The following RCAN2 variants were observed in gnomAD, a reference collection of about 807,000 sequenced individuals.
The protein encoded by RCAN2 is regulator of calcineurin 2, also known as calcipressin-2.
In RCAN2, 9 loss-of-function variants were observed where a neutral mutation model predicts 23.6. That is an observed-to-expected ratio of 0.38 (90% CI 0.23 to 0.67). The LOEUF is 0.67. RCAN2 is among the 30% of genes least tolerant of loss of function. RCAN2 has a pLI of 0.51. For synonymous variants in RCAN2, 109 were observed against 115.7 expected, an observed-to-expected ratio of 0.94 and a Z score of 0.37; for missense variants, 273 against 302.3, an observed-to-expected ratio of 0.90 and a Z score of 0.72.
chr6:46,231,990 A>G (rs1488006576), intron 4 of RCAN2, among the ~76,000 whole-genome samples: 1 of 152,254 alleles, frequency 6.6e-6, no homozygotes, highest in Non-Finnish European at 1.5e-5. Context: ...TTTAAAGTCT[A>G]GAAGTGGTGA....
intron 1 of RCAN2, among the ~76,000 whole-genome samples, chr6:46,461,390 C>T (rs181348260): frequency 4.6e-5 from 7 of 152,162 alleles, no homozygotes; most frequent in Admixed American, 4.6e-4. Flanking sequence ...TTTCCATCAC[C>T]TTATGCATGT....
chr6:46,221,920 T>C lies in RCAN2; in HGVS notation c.*1221A>G. 1 of 398,496 alleles carries C rather than the reference T, an allele frequency of 2.5e-6. No individual in the cohort carries two copies. Among genetic ancestry groups the C allele is most frequent in the Admixed American group, 4.4e-5 (1 of 22,734 alleles). The allele number at this position is 398,496 out of a possible 1,614,324, so 24.7% of individuals were successfully genotyped here. ...ATCACACGTAACAAAAACAAATAAC[T>C]TTTTTGAGCACACGGGTGTCGCGTG... is the stretch of plus-strand genomic sequence containing the variant. On this transcript the variant is annotated 3_prime_UTR_variant, in exon 5 of 5. Coordinates refer to ENST00000371374, the MANE Select transcript of RCAN2 (RefSeq NM_001251974.2).
chr6:46,455,909 C>T (rs1461726319), intron 2 of RCAN2, among the ~76,000 whole-genome samples: 1 of 149,374 alleles, frequency 6.7e-6, no homozygotes. Context: ...AAAAAAAAGG[C>T]CCTTTATCCA....
At chr6:46,463,471 G>T (rs1302308148) in intron 1 of RCAN2, among the ~76,000 whole-genome samples, 1 of 152,154 alleles carries the variant, frequency 6.6e-6, no homozygotes, top group Non-Finnish European at 1.5e-5. Flanking sequence ...AAGTTTCATT[G>T]AGCAGGTGCC....
chr6:46,273,757 G>T lies in RCAN2; in HGVS notation c.226-24861C>A, dbSNP rs150329520. Among the ~76,000 whole-genome samples the T allele has an allele frequency of 2.9e-3, 434 of 152,244 alleles. 6 individuals carry two copies. The highest frequency in any genetic ancestry group is 5.0e-4 in the Non-Finnish European group (34 of 68,020). On this transcript the variant is annotated intron_variant, in intron 2 of 4. Coordinates refer to ENST00000371374, the MANE Select transcript of RCAN2 (RefSeq NM_001251974.2). Reference sequence around the variant, plus strand: ...TAATCAACATTGATTTGGCTGAATGGCTGTGTCCATCTATGGCATGGGCAT... The same window carrying T: ...TAATCAACATTGATTTGGCTGAATGTCTGTGTCCATCTATGGCATGGGCAT...
intron 2 of RCAN2, among the ~76,000 whole-genome samples, chr6:46,317,728 G>A (rs1763485899): frequency 6.6e-6 from 1 of 152,140 alleles, no homozygotes; most frequent in African/African-American, 2.4e-5. Flanking sequence ...GCCTCCCAAA[G>A]TGTTGGGATT....
intron 2 of RCAN2, among the ~76,000 whole-genome samples, chr6:46,413,709 C>G (rs1056129039): frequency 6.6e-6 from 1 of 152,188 alleles, no homozygotes; most frequent in South Asian, 2.1e-4. Flanking sequence ...GCTGAGGATG[C>G]TGACATGTGA....
intron 2 of RCAN2, among the ~76,000 whole-genome samples, chr6:46,442,668 T>A (rs1295805162): frequency 6.6e-6 from 1 of 152,236 alleles, no homozygotes; most frequent in East Asian, 1.9e-4. Context: ...GGCAGTCATC[T>A]TTCACCAAGT....
chr6:46,255,501 A>G (rs567446381), intron 2 of RCAN2, among the ~76,000 whole-genome samples: 7 of 152,316 alleles, frequency 4.6e-5, no homozygotes, highest in East Asian at 1.9e-4. Context: ...TTGTAAACCC[A>G]AAAGATAATT....
chr6:46,292,965 C>G (rs1364128502), intron 2 of RCAN2, among the ~76,000 whole-genome samples: 1 of 152,142 alleles, frequency 6.6e-6, no homozygotes, highest in Non-Finnish European at 1.5e-5. Context: ...TGAGTGAGAA[C>G]ATGCAGTGTT....
chr6:46,371,280 G>A (rs373823055), intron 2 of RCAN2, among the ~76,000 whole-genome samples: 1 of 152,076 alleles, frequency 6.6e-6, no homozygotes, highest in Middle Eastern at 3.4e-3. Context: ...CTAAAAAATG[G>A]TATATTTTTT....
At chr6:46,467,010 C>T (rs769638235) in intron 1 of RCAN2, among the ~76,000 whole-genome samples, 1 of 152,146 alleles carries the variant, frequency 6.6e-6, no homozygotes, top group African/African-American at 2.4e-5. Context: ...TGCCTTCATA[C>T]CCCGCTCTCA....
At chr6:46,304,379 T>A (rs190337989) in intron 2 of RCAN2, among the ~76,000 whole-genome samples, 1 of 152,144 alleles carries the variant, frequency 6.6e-6, no homozygotes, top group African/African-American at 2.4e-5. Context: ...GCTTTCCTTT[T>A]TATTCTCTGA....
chr6:46,249,025 T>A, intron 2 of RCAN2, 129 bp from the exon 3 acceptor site: 1 of 602,178 alleles, frequency 1.7e-6, no homozygotes, highest in Non-Finnish European at 2.7e-6. Context: ...AGAACACCAG[T>A]AATGTATTTT....
At chr6:46,474,411 T>C (rs1768654225) in intron 1 of RCAN2, among the ~76,000 whole-genome samples, 1 of 152,102 alleles carries the variant, frequency 6.6e-6, no homozygotes, top group South Asian at 2.1e-4. Context: ...GCTCAGTAGG[T>C]AAAGGCCAGC....
At position 46,421,999 on chromosome 6, in the gene RCAN2, A is replaced by G. The variant is rs113753094; in HGVS notation, c.225+34753T>C. On this transcript the variant is annotated intron_variant, in intron 2 of 4. Coordinates refer to ENST00000371374, the MANE Select transcript of RCAN2 (RefSeq NM_001251974.2). ...TAAGAAGTGAGCTACGTATAGGACCATAAGAATAGATGCCTTAGGGAGTGC... is the reference window on the plus strand; with the variant it reads ...TAAGAAGTGAGCTACGTATAGGACCGTAAGAATAGATGCCTTAGGGAGTGC... Among the ~76,000 whole-genome samples, 675 of 152,336 alleles carry G rather than the reference A, an allele frequency of 4.4e-3. 2 individuals carry two copies. The highest frequency in any genetic ancestry group is 0.014 in the Middle Eastern group (4 of 294).
rs530811743 is a variant in RCAN2 at position 46,424,547 on chromosome 6, C to T, written c.225+32205G>A. 1.4e-3 allele frequency among the ~76,000 whole-genome samples: 207 copies of T among 152,184 alleles called. 2 individuals are homozygous for T. The highest frequency in any genetic ancestry group is 2.2e-3 in the Non-Finnish European group (148 of 68,012). ...AGATTCTGCTTGTCTGCACCTATCCCTAGAATGCACTGTTGTTTTCTTCCA... is the reference window on the plus strand; with the variant it reads ...AGATTCTGCTTGTCTGCACCTATCCTTAGAATGCACTGTTGTTTTCTTCCA... On this transcript the variant is annotated intron_variant, in intron 2 of 4. Transcript: ENST00000371374.
chr6:46,445,594 A>G lies in RCAN2; in HGVS notation c.225+11158T>C, dbSNP rs574716685. On this transcript the variant is annotated intron_variant, in intron 2 of 4. Transcript: ENST00000371374. ...AATAAAGCACCAATAACCACCCTCA[A>G]AATAAAGATTTGTAAGCTGCCTGAC... is the stretch of plus-strand genomic sequence containing the variant. Among the ~76,000 whole-genome samples the G allele has an allele frequency of 9.2e-5, 14 of 152,360 alleles. No individual in the cohort carries two copies. In the South Asian group the frequency reaches 2.9e-3, roughly 32 times the overall value.
intron 2 of RCAN2, among the ~76,000 whole-genome samples, chr6:46,327,065 A>T (rs1169642173): frequency 1.3e-5 from 2 of 152,268 alleles, no homozygotes; most frequent in Non-Finnish European, 2.9e-5. Context: ...AGTAATGACT[A>T]TGCAAAGCTC....
Sources: allele counts gnomAD v4.1 joint callset (sites outside exome capture counted in the v4.1 genomes callset), GRCh38; gene constraint gnomAD v4.1.1; transcripts MANE v1.5; gene names NCBI Gene and HGNC (gene_info 2026-07-23, HGNC 2026-07-21).